FLII: variants seen among roughly 807,000 people sequenced by gnomAD.
FLII encodes the protein protein flightless-1 homolog.
A neutral mutation model predicts 156.2 loss-of-function variants in FLII; 101 were observed. The ratio of observed to expected loss-of-function variants is 0.65; its 90% CI spans 0.55 to 0.76. The LOEUF (loss-of-function observed/expected upper bound fraction) is 0.76, where lower values mean the gene tolerates loss of function less well. FLII is among the 30% of genes least tolerant of loss of function. The pLI is 0.00. For synonymous variants in FLII, 767 were observed against 685.8 expected (o/e 1.12, Z -1.85); for missense variants, 1,675 against 1,682.8 (o/e 1.00, Z 0.08).
Position 18,245,251 on chromosome 17 carries a change from AC to A in FLII, c.3696del (p.Ser1233ProfsTer59). On this transcript the variant is annotated frameshift_variant, in exon 30 of 30. Transcript: ENST00000327031. LOFTEE classifies it high-confidence loss of function. ...CGGCGCGGCCGCTCATGTTCCTTGGACCGCATGTGCTGGATATATACCTGGC... is the reference window on the plus strand; with the variant it reads ...CGGCGCGGCCGCTCATGTTCCTTGGACGCATGTGCTGGATATATACCTGGC... Reference protein sequence around the residue: ...KACQVYIQHMRSKEHERPRRL... With the variant: ...KACQVYIQHMXSKEHERPRRL... 6.2e-7 allele frequency: 1 copy of A among 1,613,538 alleles called. No individual in the cohort carries two copies. The highest frequency in any genetic ancestry group is 8.5e-7 in the Non-Finnish European group (1 of 1,179,576).
Position 18,258,660 on chromosome 17 carries a change from G to A in FLII, c.31C>T (p.Arg11Cys), listed in dbSNP as rs759339596. MEATGVLPFV[R>C]GVDLSGNDFK... is the part of the protein sequence containing the mutation. ...TCGTTGCCGCTGAGGTCCACGCCAC[G>A]CACGAACGGCAGCACCCCGGTGGCC... Residue 11 changes from arginine to cysteine, a missense_variant, in exon 1 of 30, where the codon CGT (arginine) becomes TGT (cysteine). Physicochemically the swap from Arg to Cys is radical, Grantham distance 180. Transcript: ENST00000327031. The surrounding 1 kb of genome is among the most constrained non-coding windows in gnomAD (Gnocchi z 4.2). The A allele has an allele frequency of 3.2e-6, 5 of 1,547,298 alleles. No individual in the cohort carries two copies. The highest frequency in any genetic ancestry group is 2.4e-5 in the South Asian group (2 of 84,674).
intron 21 of FLII, 34 bp from the exon 22 acceptor site, chr17:18,247,086 C>G: frequency 6.2e-7 from 1 of 1,601,280 alleles, no homozygotes; most frequent in African/African-American, 1.3e-5. Context: ...CGCGGCAGGT[C>G]TGAGCGCGCT....
intron 13 of FLII, 66 bp from the exon 14 acceptor site, chr17:18,251,083 C>G (rs1019418826): frequency 6.5e-7 from 1 of 1,532,530 alleles, no homozygotes; most frequent in Admixed American, 1.9e-5. Context: ...GGAGACGCCA[C>G]TCTGAACAGC....
In FLII at chr17:18,248,640, T is replaced by G. The variant is rs1412513172; in HGVS notation, c.2100A>C (p.Pro700=). The G allele has an allele frequency of 6.2e-7, 1 of 1,613,872 alleles. No individual in the cohort carries two copies. Among genetic ancestry groups the G allele is most frequent in the African/African-American group, 1.3e-5 (1 of 74,936 alleles). Residue 700 remains proline, a synonymous_variant, in exon 18 of 30, where the codon CCA becomes CCC. Transcript: ENST00000327031. ...CCCCACCCAGTGCCTCCCAGAACTCTGGGAGCTCCTGGCCCTGCACCAGCA... is the reference window on the plus strand; with the variant it reads ...CCCCACCCAGTGCCTCCCAGAACTCGGGGAGCTCCTGGCCCTGCACCAGCA... ...ITLLVQGQEL[P]EFWEALGGEP... is the part of the protein sequence containing the mutation.
At chr17:18,252,214 T>G in intron 10 of FLII, 68 bp from the exon 11 acceptor site, 1 of 1,454,586 alleles carries the variant, frequency 6.9e-7, no homozygotes, top group Non-Finnish European at 9.6e-7. Flanking sequence ...CCAATCCAGT[T>G]TCTTGCTCTT....
chr17:18,257,735 T>G (rs140913609), intron 1 of FLII, among the ~76,000 whole-genome samples: 1 of 152,270 alleles, frequency 6.6e-6, no homozygotes, highest in Non-Finnish European at 1.5e-5. Flanking sequence ...TGTAGCCACT[T>G]GTACTTGGGG....
In FLII at chr17:18,246,939, C is replaced by A. The variant is rs992307007; in HGVS notation, c.2790G>T (p.Thr930=). 1 of 1,614,166 alleles carries A rather than the reference C, an allele frequency of 6.2e-7. No individual in the cohort carries two copies. Among genetic ancestry groups the A allele is most frequent in the Non-Finnish European group, 8.5e-7 (1 of 1,180,038 alleles). ...TGCAGAGGAAGACGTAGCAGTCCTGCGTGTAGAAGTGGCCAAACTCCTCTT... is the reference window on the plus strand; with the variant it reads ...TGCAGAGGAAGACGTAGCAGTCCTGAGTGTAGAAGTGGCCAAACTCCTCTT... The part of the protein sequence containing the change: ...LPEEEFGHFY[T]QDCYVFLCRY... Residue 930 remains threonine, a synonymous_variant, in exon 22 of 30, where the codon ACG becomes ACT. Coordinates refer to ENST00000327031, the MANE Select transcript of FLII (RefSeq NM_002018.4).
At position 18,251,711 on chromosome 17, in the gene FLII, T is replaced by A; in HGVS notation, c.1352A>T (p.Asp451Val). Residue 451 changes from aspartate (D) to valine (V), a missense_variant, in exon 12 of 30, where the codon GAT (aspartate) becomes GTT (valine). Asp to Val is a radical substitution (Grantham distance 152). Coordinates refer to ENST00000327031, the MANE Select transcript of FLII (RefSeq NM_002018.4). Reference sequence around the variant, plus strand: ...CTTTTTGTTCTTCTCCTGGGCAACATCTGACATGCCCTTCAGCACCTGCTT... The same window carrying A: ...CTTTTTGTTCTTCTCCTGGGCAACAACTGACATGCCCTTCAGCACCTGCTT... ...QAKQVLKGMS[D>V]VAQEKNKKQE... 6.2e-7 allele frequency: 1 copy of A among 1,614,048 alleles called. No homozygotes were observed. The highest frequency in any genetic ancestry group is 8.5e-7 in the Non-Finnish European group (1 of 1,180,030).
intron 18 of FLII, 120 bp from the exon 19 acceptor site, chr17:18,248,153 C>T: frequency 1.5e-6 from 1 of 661,786 alleles, no homozygotes; most frequent in Non-Finnish European, 2.6e-6. Flanking sequence ...CTTCTGTTTC[C>T]CCCTCCCCTT....
chr17:18,253,894 G>T, intron 7 of FLII, 175 bp from the exon 8 acceptor site: 1 of 798,176 alleles, frequency 1.3e-6, no homozygotes, highest in Non-Finnish European at 1.9e-6. Flanking sequence ...GGGGTTGCGG[G>T]GGAGTTTTCT....
Position 18,254,145 on chromosome 17 carries a change from G to A in FLII, c.613C>T (p.Leu205=). 4 of 1,611,602 alleles carry A rather than the reference G, an allele frequency of 2.5e-6. No homozygotes were observed. Among genetic ancestry groups the A allele is most frequent in the Non-Finnish European group, 3.4e-6 (4 of 1,178,840 alleles). ...PAMTALQTLH[L]RSTQRTQSNL... is the part of the protein sequence containing the mutation. Reference sequence around the variant, plus strand: ...CTCTGGGTGCGCTGGGTGCTCCGCAGGTGCAGGGTCTGCAGGGCCGTCATC... The same window carrying A: ...CTCTGGGTGCGCTGGGTGCTCCGCAAGTGCAGGGTCTGCAGGGCCGTCATC... The change falls in exon 7 of 30, where the codon CTG becomes TTG. Residue 205 remains leucine, a synonymous_variant. Transcript: ENST00000327031.
intron 1 of FLII, among the ~76,000 whole-genome samples, chr17:18,257,474 G>A (rs920634564): frequency 3.3e-5 from 5 of 152,184 alleles, no homozygotes; most frequent in East Asian, 1.9e-4. Flanking sequence ...CCTTGCTTGC[G>A]GAGACCGTGG....
chr17:18,246,492 C>T, intron 23 of FLII, 30 bp from the exon 24 acceptor site: 1 of 1,613,070 alleles, frequency 6.2e-7, no homozygotes, highest in Non-Finnish European at 8.5e-7. Context: ...AGGGGCAGCT[C>T]CCTGGACCCC....
At chr17:18,258,758 G>T, upstream of FLII, 1 of 1,157,080 alleles carries the variant, frequency 8.6e-7, no homozygotes, top group Non-Finnish European at 1.1e-6. The surrounding 1 kb of genome is among the most constrained non-coding windows in gnomAD (Gnocchi z 4.2). Flanking sequence ...GGGGGGAGCC[G>T]CGGGCTGGGC....
chr17:18,254,279 G>T, intron 6 of FLII, 97 bp from the exon 7 acceptor site: 1 of 1,021,178 alleles, frequency 9.8e-7, no homozygotes, highest in Non-Finnish European at 1.4e-6. Flanking sequence ...GGGCCCAGAG[G>T]GTAGGTGTGA....
intron 3 of FLII, 38 bp downstream of exon 3, chr17:18,256,488 C>T (rs1267982472): frequency 1.3e-6 from 2 of 1,527,656 alleles, no homozygotes; most frequent in African/African-American, 2.8e-5. Context: ...GACCTTGGCC[C>T]CAACCCCAAG....
chr17:18,245,463 A>G (rs781533341), intron 28 of FLII, 44 bp from the exon 29 acceptor site: 2 of 1,613,060 alleles, frequency 1.2e-6, no homozygotes, highest in South Asian at 2.2e-5. Flanking sequence ...GGTGCCTGGG[A>G]ACAGCCCCTT....
At chr17:18,252,279 C>T in intron 10 of FLII, 133 bp from the exon 11 acceptor site, 1 of 953,024 alleles carries the variant, frequency 1.0e-6, no homozygotes, top group Non-Finnish European at 1.6e-6. Flanking sequence ...TCCCACCCAC[C>T]TCTGGGGCTG....
Position 18,252,467 on chromosome 17 carries a change from C to G in FLII, c.1098+5G>C. 1.2e-6 allele frequency: 2 copies of G among 1,613,480 alleles called. No individual in the cohort carries two copies. Among genetic ancestry groups the G allele is most frequent in the Non-Finnish European group, 8.5e-7 (1 of 1,179,784 alleles). ...TTGAGCCCTCTCAAACCCAGCATGC[C>G]TGACCTCGATCTCCGTCAGGAAATG... On this transcript the variant is annotated splice_donor_5th_base_variant and intron_variant, in intron 10 of 29. Transcript: ENST00000327031.
Sources: allele counts gnomAD v4.1 joint callset (sites outside exome capture counted in the v4.1 genomes callset), GRCh38; gene constraint gnomAD v4.1.1; non-coding constraint Gnocchi (gnomAD v3.1); transcripts MANE v1.5; gene names NCBI Gene and HGNC (gene_info 2026-07-23, HGNC 2026-07-21).